Variants in CLDN10 observed in about 807,000 individuals in gnomAD.
The protein encoded by CLDN10 is claudin-10.
CLDN10 carries 15 observed loss-of-function variants against 22.9 expected under a neutral mutation model. That is an observed-to-expected ratio of 0.65 (90% CI 0.44 to 1.01). CLDN10 has a LOEUF of 1.01. Ranked by LOEUF, CLDN10 falls within the 50% of genes least tolerant of loss-of-function variation. The pLI is 0.00. For synonymous variants in CLDN10, 114 were observed against 111.4 expected, an observed-to-expected ratio of 1.02 and a Z score of -0.15; for missense variants, 247 against 287.8, an observed-to-expected ratio of 0.86 and a Z score of 1.03.
At chr13:95,515,210 G>T (rs1019841965) in intron 1 of CLDN10, among the ~76,000 whole-genome samples, 1 of 119,874 alleles carries the variant, frequency 8.3e-6, no homozygotes, top group Non-Finnish European at 1.8e-5. Context: ...TGTTGTTGTT[G>T]TTTTTTGAGA....
At chr13:95,481,566 C>T (rs901479578) in intron 1 of CLDN10, among the ~76,000 whole-genome samples, 26 of 152,312 alleles carry the variant, frequency 1.7e-4, no homozygotes, top group African/African-American at 5.8e-4. Flanking sequence ...AATTATTCAA[C>T]TCTGCTGTTG....
chr13:95,491,862 T>C (rs2138516939), intron 1 of CLDN10, among the ~76,000 whole-genome samples: 1 of 152,300 alleles, frequency 6.6e-6, no homozygotes, highest in Admixed American at 6.5e-5. Flanking sequence ...GGGTGTTCCC[T>C]TGATGTAGTA....
At chr13:95,520,788 C>T (rs902444191) in intron 1 of CLDN10, among the ~76,000 whole-genome samples, 5 of 152,040 alleles carry the variant, frequency 3.3e-5, no homozygotes, top group African/African-American at 7.2e-5. Flanking sequence ...CAAGACCATC[C>T]TCGCCAACAT....
rs528987527 is a variant in CLDN10, at chr13:95,492,017, C to CCGT, written c.214+57972_214+57974dup. 2.6e-5 allele frequency among the ~76,000 whole-genome samples: 4 copies of CCGT among 152,274 alleles called. No homozygotes were observed. The South Asian group carries it at 8.3e-4, about 32-fold the overall frequency. On this transcript the variant is annotated intron_variant, in intron 1 of 4. Coordinates refer to the CLDN10 transcript ENST00000376873. ...TCTGCACAGAGTCCTGTGATGTGAA[C>CCGT]CGTCTGTGGGTCTCTCAGCCATGGA...
rs1041901091 is a variant in CLDN10 at position 95,454,544 on chromosome 13, A to C, written c.214+20497A>C. Among the ~76,000 whole-genome samples, 47 of 152,028 alleles carry C rather than the reference A, an allele frequency of 3.1e-4. 1 individual carries two copies. Among genetic ancestry groups the C allele is most frequent in the Admixed American group, 3.9e-4 (6 of 15,240 alleles). On this transcript the variant is annotated intron_variant, in intron 1 of 4. Transcript: ENST00000376873. Reference sequence around the variant, plus strand: ...GCAGGCTCCCCTCCCCTCTCTCCCCACCCTGCTGTGGGGTTGTGGATTGCA... The same window carrying C: ...GCAGGCTCCCCTCCCCTCTCTCCCCCCCCTGCTGTGGGGTTGTGGATTGCA...
chr13:95,578,138 T>C lies in CLDN10; in HGVS notation c.*124T>C. On this transcript the variant is annotated 3_prime_UTR_variant, in exon 5 of 5. Coordinates refer to ENST00000299339, the MANE Select transcript of CLDN10 (RefSeq NM_006984.5). ...ATTTTTAAAATATGCATTTGAAGCA[T>C]CTGTTGATTGTATGGATGTAAGTGT... is the stretch of plus-strand genomic sequence containing the variant. The C allele has an allele frequency of 1.7e-6, 1 of 590,738 alleles. No homozygotes were observed. Among genetic ancestry groups the C allele is most frequent in the South Asian group, 2.2e-5 (1 of 44,892 alleles). The allele number at this position is 590,738 out of a possible 1,614,324, so 36.6% of individuals were successfully genotyped here.
chr13:95,528,993 G>C (rs1048283692), intron 1 of CLDN10, among the ~76,000 whole-genome samples: 2 of 152,062 alleles, frequency 1.3e-5, no homozygotes, highest in Admixed American at 1.3e-4. Flanking sequence ...CCAATCAAGG[G>C]TGTTTTGTTT....
intron 1 of CLDN10, among the ~76,000 whole-genome samples, chr13:95,501,771 G>A (rs2042988223): frequency 6.6e-6 from 1 of 151,948 alleles, no homozygotes; most frequent in Non-Finnish European, 1.5e-5. Context: ...ATGTTTGGTG[G>A]TCCATTTACA....
chr13:95,548,573 C>T (rs1280437692), upstream of CLDN10, among the ~76,000 whole-genome samples: 1 of 152,144 alleles, frequency 6.6e-6, no homozygotes, highest in Non-Finnish European at 1.5e-5. Flanking sequence ...CACTCTGTAG[C>T]TTTCATGCTA....
chr13:95,537,982 G>T (rs1174805244), intron 1 of CLDN10, among the ~76,000 whole-genome samples: 1 of 152,102 alleles, frequency 6.6e-6, no homozygotes, highest in Non-Finnish European at 1.5e-5. Flanking sequence ...CTAAATGAGG[G>T]CAAATGCAGA....
chr13:95,463,829 C>G (rs1019992013), intron 1 of CLDN10, among the ~76,000 whole-genome samples: 2 of 151,882 alleles, frequency 1.3e-5, no homozygotes, highest in Admixed American at 6.6e-5. Flanking sequence ...TTGTCCAAAC[C>G]CTCTTTTTTG....
intron 1 of CLDN10, among the ~76,000 whole-genome samples, chr13:95,441,814 T>A (rs2139066172): frequency 6.6e-6 from 1 of 152,320 alleles, no homozygotes; most frequent in East Asian, 1.9e-4. Context: ...AGGGTCTTAA[T>A]CCCTCTGAGC....
chr13:95,434,065 G>C (rs1209821566), intron 1 of CLDN10: 1 of 1,604,358 alleles, frequency 6.2e-7, no homozygotes, highest in Non-Finnish European at 8.5e-7. Flanking sequence ...TAATGGCTTT[G>C]TTTGGGGTGG....
intron 1 of CLDN10, among the ~76,000 whole-genome samples, chr13:95,527,439 AC>A (rs1478729152): frequency 1.3e-5 from 2 of 152,176 alleles, no homozygotes; most frequent in Non-Finnish European, 2.9e-5. Flanking sequence ...TATAGAAAAA[AC>A]AAAAACAGGC....
upstream of CLDN10, among the ~76,000 whole-genome samples, chr13:95,552,540 C>CG (rs1287270226): frequency 6.6e-6 from 1 of 150,872 alleles, no homozygotes; most frequent in African/African-American, 2.4e-5. Context: ...ATGGAGAACC[C>CG]GGGGGGCGAC....
chr13:95,466,529 A>C (rs1419163342), intron 1 of CLDN10, among the ~76,000 whole-genome samples: 1 of 152,210 alleles, frequency 6.6e-6, no homozygotes, highest in African/African-American at 2.4e-5. Context: ...AAATCACTAC[A>C]TGTAAATATA....
chr13:95,558,440 T>C (rs1211573139), intron 1 of CLDN10, among the ~76,000 whole-genome samples: 1 of 152,248 alleles, frequency 6.6e-6, no homozygotes, highest in Non-Finnish European at 1.5e-5. Context: ...CTGTTTTTGA[T>C]AGCCACGGTG....
rs191484745 is a variant in CLDN10, at chr13:95,556,962, G to A, written c.221-3170G>A. On this transcript the variant is annotated intron_variant, in intron 1 of 4. Transcript: ENST00000299339. ...CAGAGTTCATTAATTTAAAGTCACTGTATTTTACTATTTGAAAATTTCACA... is the reference window on the plus strand; with the variant it reads ...CAGAGTTCATTAATTTAAAGTCACTATATTTTACTATTTGAAAATTTCACA... Among the ~76,000 whole-genome samples the A allele has an allele frequency of 1.8e-3, 275 of 152,328 alleles. 1 individual carries two copies. Among genetic ancestry groups the A allele is most frequent in the South Asian group, 0.014 (67 of 4,830 alleles).
At chr13:95,464,564 A>T (rs1404731972) in intron 1 of CLDN10, among the ~76,000 whole-genome samples, 1 of 152,088 alleles carries the variant, frequency 6.6e-6, no homozygotes, top group Non-Finnish European at 1.5e-5. Flanking sequence ...ATAAACATAC[A>T]TGTGCATGTG....
Sources: gnomAD v4.1 joint callset for allele counts (sites outside exome capture counted in the v4.1 genomes callset) on GRCh38, gnomAD v4.1.1 for gene constraint, MANE v1.5 for transcripts, NCBI Gene and HGNC (gene_info 2026-07-23, HGNC 2026-07-21) for gene names.